Variants in DMD observed in about 807,000 individuals in gnomAD.
The protein encoded by DMD is mutant dystrophin.
In DMD, 63 loss-of-function variants were observed where a neutral mutation model predicts 330.1. The ratio of observed to expected loss-of-function variants is 0.19; its 90% CI spans 0.16 to 0.24. The LOEUF (loss-of-function observed/expected upper bound fraction) is 0.24, where lower values mean the gene tolerates loss of function less well. DMD is among the 10% of genes least tolerant of loss of function. The probability of loss-of-function intolerance (pLI) is 1.00; values close to 1 mark genes in which losing one functional copy is unlikely to be tolerated. For synonymous variants in DMD, 1,223 were observed against 959.8 expected, an observed-to-expected ratio of 1.27 and a Z score of -5.07; for missense variants, 3,344 against 2,684.1, an observed-to-expected ratio of 1.25 and a Z score of -5.43.
At chrX:32,754,341 A>G (rs1041424525) in intron 7 of DMD, among the ~76,000 whole-genome samples, 1 of 110,431 alleles carries the variant, frequency 9.1e-6, no homozygotes, top group Non-Finnish European at 1.9e-5. Context: ...TAGGATTCAA[A>G]CCCAAGCAGT....
At chrX:32,752,200 A>G (rs890386020) in intron 7 of DMD, among the ~76,000 whole-genome samples, 4 of 111,371 alleles carry the variant, frequency 3.6e-5, no homozygotes, top group Non-Finnish European at 7.5e-5. Flanking sequence ...TGCAACACAC[A>G]CCGAGGAAAG....
intron 44 of DMD, among the ~76,000 whole-genome samples, chrX:32,148,489 TAA>T (rs1458880786): frequency 9.0e-6 from 1 of 111,231 alleles, no homozygotes; most frequent in Non-Finnish European, 1.9e-5. Flanking sequence ...TAAATAAATA[TAA>T]GACTCTACAT....
intron 51 of DMD, among the ~76,000 whole-genome samples, chrX:31,761,336 T>C (rs1435576196): frequency 9.0e-6 from 1 of 110,578 alleles, no homozygotes; most frequent in African/African-American, 3.3e-5. Flanking sequence ...CTGCTATGAA[T>C]AGACTACGAA....
intron 54 of DMD, among the ~76,000 whole-genome samples, chrX:31,651,043 A>G (rs1438378207): frequency 8.9e-6 from 1 of 112,231 alleles, no homozygotes; most frequent in Non-Finnish European, 1.9e-5. Flanking sequence ...CAATTTTTGA[A>G]GTAGAATTCA....
intron 53 of DMD, among the ~76,000 whole-genome samples, chrX:31,666,632 G>C (rs5927794): frequency 0.33 from 36,799 of 110,818 alleles, 4,530 homozygotes; most frequent in East Asian, 0.45. Flanking sequence ...ATAAAGAACA[G>C]GTTCTCTTAT....
At chrX:31,315,261 T>C (rs942866875) in intron 62 of DMD, among the ~76,000 whole-genome samples, 5 of 112,328 alleles carry the variant, frequency 4.5e-5, no homozygotes, top group Non-Finnish European at 7.5e-5. Flanking sequence ...CTATGAGTGT[T>C]TTCCTAAAAA....
intron 1 of DMD, among the ~76,000 whole-genome samples, chrX:33,021,516 T>C (rs2093914297): frequency 8.9e-6 from 1 of 111,736 alleles, no homozygotes; most frequent in South Asian, 3.7e-4. Flanking sequence ...AAAGTAATCA[T>C]ATTTGCTCTC....
intron 7 of DMD, among the ~76,000 whole-genome samples, chrX:32,745,108 G>T (rs1012597709): frequency 7.2e-5 from 8 of 111,752 alleles, no homozygotes; most frequent in Admixed American, 1.9e-4. Context: ...TGGACTTAAG[G>T]GGGTGATCTC....
intron 18 of DMD, among the ~76,000 whole-genome samples, chrX:32,515,770 T>C (rs1219882977): frequency 9.0e-6 from 1 of 111,687 alleles, no homozygotes; most frequent in Non-Finnish European, 1.9e-5. Context: ...AAGGCAAATT[T>C]TGATTTACTA....
rs946397718 is a variant in DMD at position 33,327,008 on chromosome X, T to C, written c.7+12251A>G. ...TGTGAATAAATTAAACTTGAAAGTA[T>C]TTTGTTAATTTTAAAGCTTTATACA... On this transcript the variant is annotated intron_variant, in intron 1 of 17. Transcript: ENST00000288447. Among the ~76,000 whole-genome samples, 3 of 112,341 alleles carry C rather than the reference T, an allele frequency of 2.7e-5. No homozygotes were observed. In the East Asian group the frequency reaches 8.4e-4, roughly 31 times the overall value.
chrX:31,338,618 T>C (rs1601962086), intron 61 of DMD, among the ~76,000 whole-genome samples: 1 of 111,055 alleles, frequency 9.0e-6, no homozygotes, highest in African/African-American at 3.3e-5. Flanking sequence ...CTTCCCTCAC[T>C]CCCTTTCACC....
At chrX:32,563,526 T>A (rs2051319769) in intron 16 of DMD, among the ~76,000 whole-genome samples, 2 of 111,068 alleles carry the variant, frequency 1.8e-5, no homozygotes, top group Admixed American at 9.6e-5. Context: ...TAATGCATGT[T>A]GGACTTTATT....
chrX:32,222,885 C>T (rs967379053), intron 43 of DMD, among the ~76,000 whole-genome samples: 12 of 111,717 alleles, frequency 1.1e-4, no homozygotes, highest in Non-Finnish European at 1.9e-4. Flanking sequence ...GTTGGCCATG[C>T]CTATCCCTGA....
intron 13 of DMD, among the ~76,000 whole-genome samples, chrX:32,583,418 G>A (rs2053880525): frequency 9.0e-6 from 1 of 111,580 alleles, no homozygotes; most frequent in Admixed American, 9.5e-5. Flanking sequence ...AGAATTGCTT[G>A]AACCAGGGAG....
intron 1 of DMD, among the ~76,000 whole-genome samples, chrX:33,266,105 C>A (rs773129413): frequency 2.7e-3 from 305 of 111,485 alleles, no homozygotes; most frequent in African/African-American, 9.0e-3. Context: ...TTTATTAAAT[C>A]AGCCTTGGCC....
chrX:32,732,003 G>A (rs966354140), intron 7 of DMD, among the ~76,000 whole-genome samples: 1 of 111,328 alleles, frequency 9.0e-6, no homozygotes, highest in East Asian at 2.8e-4. Flanking sequence ...CAAAGAAGTT[G>A]AAAACTTTGA....
At chrX:31,219,181 C>T (rs2045716685) in intron 64 of DMD, among the ~76,000 whole-genome samples, 2 of 111,369 alleles carry the variant, frequency 1.8e-5, no homozygotes, top group African/African-American at 3.3e-5. Flanking sequence ...TTTCCATATG[C>T]GTTCACAGCT....
chrX:31,436,784 G>A (rs970275733), intron 60 of DMD, among the ~76,000 whole-genome samples: 1 of 111,617 alleles, frequency 9.0e-6, no homozygotes, highest in Non-Finnish European at 1.9e-5. Flanking sequence ...TTGAGGTTAA[G>A]CATAAATGAT....
chrX:31,178,432 G>GTT (rs11333372), intron 70 of DMD: 608 of 791,350 alleles, frequency 7.7e-4, no homozygotes, highest in East Asian at 2.3e-3. Context: ...TTGTGTTGTG[G>GTT]TTTTTTTTTT....
Sources: gnomAD v4.1 joint callset for allele counts (sites outside exome capture counted in the v4.1 genomes callset) on GRCh38, gnomAD v4.1.1 for gene constraint, MANE v1.5 for transcripts, NCBI Gene and HGNC (gene_info 2026-07-23, HGNC 2026-07-21) for gene names.